CDYL2: variants seen among roughly 807,000 people sequenced by gnomAD.
CDYL2 encodes chromodomain Y-like protein 2.
CDYL2 carries 23 observed loss-of-function variants against 49.4 expected under a neutral mutation model. The ratio of observed to expected loss-of-function variants is 0.47; its 90% CI spans 0.34 to 0.66. The LOEUF is 0.66. Among genes scored for constraint, CDYL2 ranks in the 30% least tolerant of loss-of-function variants. The probability of loss-of-function intolerance (pLI) is 0.01; values close to 1 mark genes in which losing one functional copy is unlikely to be tolerated. For synonymous variants in CDYL2, 360 were observed against 268.8 expected (o/e 1.34, Z -3.32); for missense variants, 678 against 656.4 (o/e 1.03, Z -0.36).
chr16:80,770,054 G>A (rs1906855221), intron 1 of CDYL2, among the ~76,000 whole-genome samples: 1 of 152,080 alleles, frequency 6.6e-6, no homozygotes, highest in Non-Finnish European at 1.5e-5. Context: ...GGTCACTGCA[G>A]AAAACCGAAT....
chr16:80,615,524 G>C (rs1289778853), intron 4 of CDYL2, among the ~76,000 whole-genome samples: 2 of 152,010 alleles, frequency 1.3e-5, no homozygotes, highest in African/African-American at 4.8e-5. Flanking sequence ...AATAAAAGAG[G>C]GTCCGTGCCT....
intron 6 of CDYL2, among the ~76,000 whole-genome samples, chr16:80,605,057 A>G (rs1474161742): frequency 6.6e-6 from 1 of 151,490 alleles, no homozygotes; most frequent in African/African-American, 2.5e-5. Context: ...ACTCAAGGCT[A>G]TCACCTTCAT....
intron 1 of CDYL2, among the ~76,000 whole-genome samples, chr16:80,802,503 A>G (rs1907956642): frequency 6.6e-6 from 1 of 152,200 alleles, no homozygotes; most frequent in African/African-American, 2.4e-5. Flanking sequence ...CGCTTGGGTG[A>G]TCCATTGGCC....
chr16:80,634,336 G>T (rs570095097), intron 2 of CDYL2, among the ~76,000 whole-genome samples: 17 of 152,318 alleles, frequency 1.1e-4, no homozygotes, highest in Admixed American at 5.2e-4. Flanking sequence ...ATGAGTTCAT[G>T]TCCTTTGCAG....
At chr16:80,675,011 T>C (rs557084662) in intron 2 of CDYL2, among the ~76,000 whole-genome samples, 2 of 152,304 alleles carry the variant, frequency 1.3e-5, no homozygotes, top group South Asian at 2.1e-4. Context: ...TGCATACATG[T>C]GTGTGTGTTT....
chr16:80,801,582 G>A (rs995689182), intron 1 of CDYL2, among the ~76,000 whole-genome samples: 1 of 152,184 alleles, frequency 6.6e-6, no homozygotes, highest in Non-Finnish European at 1.5e-5. Context: ...CACTAAAAAC[G>A]TGGTTTCTTG....
chr16:80,789,580 A>G (rs532531186), intron 1 of CDYL2, among the ~76,000 whole-genome samples: 144 of 152,168 alleles, frequency 9.5e-4, no homozygotes, highest in African/African-American at 3.4e-3. Context: ...AGCCTGGGCA[A>G]CAGAGTGAGA....
chr16:80,654,348 C>T (rs1289438932), intron 2 of CDYL2, among the ~76,000 whole-genome samples: 2 of 152,178 alleles, frequency 1.3e-5, no homozygotes, highest in African/African-American at 4.8e-5. Flanking sequence ...ATATGAGGAT[C>T]AAGTAAGATA....
rs1402061838 is a variant in CDYL2 at position 80,601,132 on chromosome 16, T to C, written c.*3256A>G. 1 of 152,220 alleles carries C rather than the reference T, an allele frequency of 6.6e-6. No individual in the cohort carries two copies. Among genetic ancestry groups the C allele is most frequent in the Non-Finnish European group, 1.5e-5 (1 of 68,040 alleles). 9.4% of individuals were successfully genotyped at this position (152,220 alleles called of 1,614,324 possible). A position where few individuals can be genotyped will look rare whatever the true frequency, so the allele number is the denominator to read the frequency against. ...AGGGGCACATTAAGTACATCAGCATTAGGCTGTGTCTTCCAAATGGTGGTG... is the reference window on the plus strand; with the variant it reads ...AGGGGCACATTAAGTACATCAGCATCAGGCTGTGTCTTCCAAATGGTGGTG... On this transcript the variant is annotated 3_prime_UTR_variant, in exon 7 of 7. Coordinates refer to ENST00000570137, the MANE Select transcript of CDYL2 (RefSeq NM_152342.4).
At chr16:80,774,933 G>A (rs997067864) in intron 1 of CDYL2, among the ~76,000 whole-genome samples, 1 of 151,388 alleles carries the variant, frequency 6.6e-6, no homozygotes, top group African/African-American at 2.4e-5. Flanking sequence ...CACCAAGTAG[G>A]ACTTACTCTA....
At chr16:80,761,238 C>A (rs1906518260) in intron 1 of CDYL2, among the ~76,000 whole-genome samples, 1 of 152,130 alleles carries the variant, frequency 6.6e-6, no homozygotes, top group African/African-American at 2.4e-5. Flanking sequence ...TGGTGGGGCT[C>A]CAGGTTGAAC....
rs576784723 is a variant in CDYL2, at chr16:80,620,649, T to G, written c.1007+114A>C. On this transcript the variant is annotated intron_variant, in intron 4 of 6. Coordinates refer to ENST00000570137, the MANE Select transcript of CDYL2 (RefSeq NM_152342.4). The stretch of plus-strand genomic sequence containing the variant: ...TCGAGTATTGCACAGGATATACTTA[T>G]GCTAAAAATAAAATTCCTGGTTGTT... 3.5e-5 allele frequency: 35 copies of G among 993,220 alleles called. No homozygotes were observed. In the African/African-American group the frequency reaches 4.5e-4, roughly 13 times the overall value. 61.5% of individuals were successfully genotyped at this position (993,220 alleles called of 1,614,324 possible).
intron 2 of CDYL2, among the ~76,000 whole-genome samples, chr16:80,666,115 A>G (rs16953773): frequency 0.013 from 2,025 of 152,254 alleles, 37 homozygotes; most frequent in East Asian, 0.038. Flanking sequence ...CAGGCTTGCT[A>G]TTCCCGGACT....
intron 1 of CDYL2, among the ~76,000 whole-genome samples, chr16:80,716,411 T>C (rs1869929510): frequency 1.3e-5 from 2 of 152,100 alleles, no homozygotes; most frequent in South Asian, 4.2e-4. Context: ...GGTGGGTGGA[T>C]GGATAGATGG....
chr16:80,773,402 C>T (rs1284026264), intron 1 of CDYL2, among the ~76,000 whole-genome samples: 2 of 152,226 alleles, frequency 1.3e-5, no homozygotes, highest in Admixed American at 1.3e-4. Flanking sequence ...ACACATGCCT[C>T]TCAATAAATG....
intron 1 of CDYL2, among the ~76,000 whole-genome samples, chr16:80,692,883 A>G (rs181072809): frequency 1.3e-5 from 2 of 152,340 alleles, no homozygotes; most frequent in African/African-American, 4.8e-5. Context: ...ACGATCAATG[A>G]TCAGAGCATT....
At chr16:80,715,386 T>C (rs991935435) in intron 1 of CDYL2, among the ~76,000 whole-genome samples, 3 of 152,150 alleles carry the variant, frequency 2.0e-5, no homozygotes, top group East Asian at 3.9e-4. Context: ...AATCCAGTTA[T>C]CCAAGGCGAG....
intron 1 of CDYL2, among the ~76,000 whole-genome samples, chr16:80,790,682 A>G (rs931160464): frequency 2.0e-5 from 3 of 152,214 alleles, no homozygotes; most frequent in Non-Finnish European, 2.9e-5. Flanking sequence ...GACTTCCAAC[A>G]GTTCACAGAC....
At chr16:80,648,832 T>A (rs979849595) in intron 2 of CDYL2, among the ~76,000 whole-genome samples, 1 of 152,154 alleles carries the variant, frequency 6.6e-6, no homozygotes, top group Admixed American at 6.5e-5. Flanking sequence ...GATACAAGCA[T>A]GGTTCAACAT....
Sources: gnomAD v4.1 joint callset for allele counts (sites outside exome capture counted in the v4.1 genomes callset) on GRCh38, gnomAD v4.1.1 for gene constraint, MANE v1.5 for transcripts, NCBI Gene and HGNC (gene_info 2026-07-23, HGNC 2026-07-21) for gene names.